Variants in CAPN15 observed in about 807,000 individuals in gnomAD.
The protein encoded by CAPN15 is calpain-15.
A neutral mutation model predicts 97.9 loss-of-function variants in CAPN15; 53 were observed. The observed-to-expected ratio is 0.54, with a 90% CI of 0.43 to 0.68. The LOEUF is 0.68. CAPN15 is among the 30% of genes least tolerant of loss of function. The pLI, the probability that CAPN15 is intolerant of heterozygous loss-of-function variation, is 0.00. For missense variants in CAPN15, 1,592 were observed against 1,589.8 expected, an observed-to-expected ratio of 1.00 and a Z score of -0.02; for synonymous variants, 922 against 722.5, an observed-to-expected ratio of 1.28 and a Z score of -4.43.
intron 1 of CAPN15, among the ~76,000 whole-genome samples, chr16:529,198 G>A (rs1443057495): frequency 6.6e-6 from 1 of 152,042 alleles, no homozygotes; most frequent in African/African-American, 2.4e-5. Flanking sequence ...ATTGGCAGAG[G>A]AGCCAGTGAC....
chr16:536,547 C>G (rs1017141396), intron 3 of CAPN15, among the ~76,000 whole-genome samples: 1 of 152,176 alleles, frequency 6.6e-6, no homozygotes, highest in Non-Finnish European at 1.5e-5. Context: ...CTCAGCCTCC[C>G]AAGTAGCTGG....
intron 9 of CAPN15, 93 bp downstream of exon 9, chr16:551,757 G>A: frequency 6.6e-7 from 1 of 1,505,444 alleles, no homozygotes; most frequent in Non-Finnish European, 9.0e-7. Flanking sequence ...CTGCTGACCT[G>A]GGGTGGGGCG....
chr16:537,145 C>G, intron 3 of CAPN15: 1 of 985,518 alleles, frequency 1.0e-6, no homozygotes, highest in Non-Finnish European at 1.2e-6. Flanking sequence ...GTCCTCTCTT[C>G]TCTTCCGAGC....
In CAPN15 at chr16:549,091, G is replaced by A. The variant is rs1567153931; in HGVS notation, c.1548G>A (p.Leu516=). The change falls in exon 5 of 14, where the codon CTG becomes CTA. Residue 516 remains leucine, a synonymous_variant. Transcript: ENST00000219611. ...TGCAGCAGCGTGTGAGGCAGTGGCT[G>A]CGACCCCAGGAGATCAACTGCTCCG... ...DSVQQRVRQW[L]RPQEINCSVF... The A allele has an allele frequency of 6.2e-7, 1 of 1,612,592 alleles. No homozygotes were observed. The highest frequency in any genetic ancestry group is 2.2e-5 in the East Asian group (1 of 44,886).
intron 7 of CAPN15, among the ~76,000 whole-genome samples, chr16:550,253 C>G (rs755990006): frequency 6.6e-6 from 1 of 152,216 alleles, no homozygotes; most frequent in African/African-American, 2.4e-5. Context: ...TGCCCCGGTG[C>G]GAGCACCTTG....
intron 7 of CAPN15, among the ~76,000 whole-genome samples, chr16:550,136 G>A (rs1037728380): frequency 7.6e-6 from 1 of 131,742 alleles, no homozygotes; most frequent in African/African-American, 4.5e-5. Flanking sequence ...GCCGTGGGGC[G>A]AGACTGATGC....
chr16:553,744 G>C lies in CAPN15; in HGVS notation c.*228G>C. On this transcript the variant is annotated 3_prime_UTR_variant, in exon 14 of 14. Coordinates refer to ENST00000219611, the MANE Select transcript of CAPN15 (RefSeq NM_005632.3). ...TCCTGGCCGCCACGCAGAATACCTC[G>C]AACCAGGCGGGCTGTGAACCAGCCC... 1 of 431,642 alleles carries C rather than the reference G, an allele frequency of 2.3e-6. No homozygotes were observed. The highest frequency in any genetic ancestry group is 4.0e-5 in the Admixed American group (1 of 25,024). 26.7% of individuals were successfully genotyped at this position (431,642 alleles called of 1,614,324 possible). A position where few individuals can be genotyped will look rare whatever the true frequency, so the allele number is the denominator to read the frequency against.
intron 3 of CAPN15, among the ~76,000 whole-genome samples, chr16:536,398 C>T (rs1454866190): frequency 6.6e-6 from 1 of 151,298 alleles, no homozygotes; most frequent in Admixed American, 6.6e-5. Flanking sequence ...CAGTTCCCTC[C>T]CTCTAGGGGA....
chr16:553,553 CCCCCCA>C lies in CAPN15; in HGVS notation c.*45_*50del. 3.0e-6 allele frequency: 4 copies of C among 1,334,974 alleles called. No homozygotes were observed. The highest frequency in any genetic ancestry group is 1.3e-5 in the South Asian group (1 of 77,220). The allele number at this position is 1,334,974 out of a possible 1,614,324, so 82.7% of individuals were successfully genotyped here. Reference sequence around the variant, plus strand: ...GGGGCAGGGGCTGTGCACAGACGGACCCCCCACCCCCACACGCACTTTATGAGGGAG... The same window carrying C: ...GGGGCAGGGGCTGTGCACAGACGGACCCCCCACACGCACTTTATGAGGGAG... On this transcript the variant is annotated 3_prime_UTR_variant, in exon 14 of 14. Transcript: ENST00000219611.
Position 543,603 on chromosome 16 carries a change from C to T in CAPN15, c.-22-3214C>T, listed in dbSNP as rs143308175. Among the ~76,000 whole-genome samples the T allele has an allele frequency of 2.4e-3, 360 of 152,254 alleles. 5 individuals are homozygous for T. Among genetic ancestry groups the T allele is most frequent in the Admixed American group, 0.021 (323 of 15,308 alleles). On this transcript the variant is annotated intron_variant, in intron 3 of 13. Transcript: ENST00000219611. ...GCTGCTGTGGGGCCTGGGCTCCAGG[C>T]AGCTCCTGTCTGCTGCTGCAAACAG... is the stretch of plus-strand genomic sequence containing the variant.
chr16:534,351 A>G (rs8048662), intron 2 of CAPN15, among the ~76,000 whole-genome samples: 124,033 of 152,174 alleles, frequency 0.82, 50,636 homozygotes, highest in South Asian at 0.88. Context: ...CACGGCCCCC[A>G]CCGCTATCCT....
chr16:550,368 G>A (rs1340537131), intron 7 of CAPN15, among the ~76,000 whole-genome samples: 2 of 152,344 alleles, frequency 1.3e-5, no homozygotes, highest in East Asian at 3.9e-4. Context: ...AAGGCCTCCA[G>A]GGGACCCAGG....
rs776403146 is a variant in CAPN15, at chr16:547,110, C to G, written c.272C>G (p.Pro91Arg). Reference sequence around the variant, plus strand: ...CTCAACGGGGTCCTCCCCAAGCCACCCGCCATCCTGGGGGAGCCCAAGGGC... The same window carrying G: ...CTCAACGGGGTCCTCCCCAAGCCACGCGCCATCCTGGGGGAGCCCAAGGGC... The part of the protein sequence containing the change: ...PVLNGVLPKP[P>R]AILGEPKGSC... Residue 91 changes from proline (P) to arginine (R), a missense_variant, in exon 4 of 14, where the codon CCC becomes CGC. Pro to Arg is a moderately radical substitution (Grantham distance 103). Around this residue, in one of 3 missense-constraint regions of CAPN15, gnomAD observed 883 missense variants for 776.6 expected, o/e 1.14. Transcript: ENST00000219611. 6.3e-7 allele frequency: 1 copy of G among 1,577,160 alleles called. No homozygotes were observed. The highest frequency in any genetic ancestry group is 8.6e-7 in the Non-Finnish European group (1 of 1,163,034).
rs372323100 is a variant in CAPN15 at position 554,290 on chromosome 16, C to T, written c.*774C>T. ...ATCGTGGGCACGGGCAGGGCTCAGC[C>T]GCTCCCACCTCCCCACAGAAGCCCA... On this transcript the variant is annotated 3_prime_UTR_variant, in exon 14 of 14. Transcript: ENST00000219611. 21 of 350,370 alleles carry T rather than the reference C, an allele frequency of 6.0e-5. No homozygotes were observed. Among genetic ancestry groups the T allele is most frequent in the Middle Eastern group, 1.0e-3 (1 of 978 alleles). 21.7% of individuals were successfully genotyped at this position (350,370 alleles called of 1,614,324 possible). A position where few individuals can be genotyped will look rare whatever the true frequency, so the allele number is the denominator to read the frequency against.
intron 1 of CAPN15, among the ~76,000 whole-genome samples, chr16:528,394 C>T (rs1165974364): frequency 1.3e-5 from 2 of 152,232 alleles, no homozygotes; most frequent in Admixed American, 1.3e-4. Context: ...TATATCCGGG[C>T]CCATCGTGCG....
Position 547,249 on chromosome 16 carries a change from GGA to G in CAPN15, c.413_414del (p.Glu138GlyfsTer42). 6.6e-7 allele frequency: 1 copy of G among 1,513,630 alleles called. No homozygotes were observed. Among genetic ancestry groups the G allele is most frequent in the South Asian group, 1.3e-5 (1 of 79,198 alleles). The allele number at this position is 1,513,630 out of a possible 1,614,324, so 93.8% of individuals were successfully genotyped here. On this transcript the variant is annotated frameshift_variant, in exon 4 of 14. Coordinates refer to ENST00000219611, the MANE Select transcript of CAPN15 (RefSeq NM_005632.3). LOFTEE classifies it high-confidence loss of function. Reference sequence around the variant, plus strand: ...AGGAGAAGGAGGAGCAGGAGGAGGAGGAGGGAGCGGCGGAGCCCAGAGGGGGC... The same window carrying G: ...AGGAGAAGGAGGAGCAGGAGGAGGAGGGGAGCGGCGGAGCCCAGAGGGGGC... The part of the protein sequence containing the change: ...EEEKEEQEEE[E>X]GAAEPRGGWA...
At chr16:544,130 C>T (rs574760004) in intron 3 of CAPN15, among the ~76,000 whole-genome samples, 10 of 152,100 alleles carry the variant, frequency 6.6e-5, no homozygotes, top group Non-Finnish European at 1.2e-4. Context: ...CAAGGCTGAC[C>T]GGCGCCGGGC....
Position 552,106 on chromosome 16 carries a change from G to A in CAPN15, c.2401G>A (p.Val801Met). Residue 801 changes from valine to methionine, a missense_variant, in exon 10 of 14, where the codon GTG becomes ATG. Physicochemically the swap from Val to Met is conservative, Grantham distance 21. Around this residue, in one of 3 missense-constraint regions of CAPN15, gnomAD observed 644 missense variants for 699.6 expected, o/e 0.92. Transcript: ENST00000219611. This position sits in a 1 kb window ranked among gnomAD's most constrained non-coding sequence, Gnocchi z 6.4. ...KVHSDWQEARVQGCFPSSASA... is the reference protein window; with the variant it reads ...KVHSDWQEARMQGCFPSSASA... Reference sequence around the variant, plus strand: ...GCACTCGGACTGGCAGGAGGCGCGGGTGCAGGGCTGCTTTCCCAGCTCGGC... The same window carrying A: ...GCACTCGGACTGGCAGGAGGCGCGGATGCAGGGCTGCTTTCCCAGCTCGGC... The A allele has an allele frequency of 6.5e-7, 1 of 1,549,020 alleles. No individual in the cohort carries two copies. The highest frequency in any genetic ancestry group is 8.7e-7 in the Non-Finnish European group (1 of 1,146,838).
At chr16:538,028 G>A (rs961058955) in intron 3 of CAPN15, 20 of 152,250 alleles carry the variant, frequency 1.3e-4, no homozygotes, top group African/African-American at 4.1e-4. Flanking sequence ...CAGATACCTC[G>A]GATCACACAG....
Sources: allele counts gnomAD v4.1 joint callset (sites outside exome capture counted in the v4.1 genomes callset), GRCh38; gene constraint gnomAD v4.1.1; regional missense constraint gnomAD v4.1.1; non-coding constraint Gnocchi (gnomAD v3.1); transcripts MANE v1.5; gene names NCBI Gene and HGNC (gene_info 2026-07-23, HGNC 2026-07-21).